RIPOR2: variants seen among roughly 807,000 people sequenced by gnomAD.
The protein encoded by RIPOR2 is RHO family interacting cell polarization regulator 2.
A neutral mutation model predicts 114.5 loss-of-function variants in RIPOR2; 39 were observed. The observed-to-expected ratio is 0.34, with a 90% CI of 0.26 to 0.44. RIPOR2 has a LOEUF of 0.44. Among genes scored for constraint, RIPOR2 ranks in the 20% least tolerant of loss-of-function variants. The probability of loss-of-function intolerance (pLI) is 1.00; values close to 1 mark genes in which losing one functional copy is unlikely to be tolerated. For synonymous variants in RIPOR2, 445 were observed against 484.4 expected, an observed-to-expected ratio of 0.92 and a Z score of 1.07; for missense variants, 1,007 against 1,255.1, an observed-to-expected ratio of 0.80 and a Z score of 2.99.
At position 24,925,998 on chromosome 6, in the gene RIPOR2, T is replaced by G. The variant is rs549072003; in HGVS notation, c.61+9840A>C. On this transcript the variant is annotated intron_variant, in intron 1 of 21. Transcript: ENST00000643898. Reference sequence around the variant, plus strand: ...TCTTTTTTTCAGGAAGTTTTACCACTGAAAATATTTTTAAAACAATGGAAT... The same window carrying G: ...TCTTTTTTTCAGGAAGTTTTACCACGGAAAATATTTTTAAAACAATGGAAT... Among the ~76,000 whole-genome samples the G allele has an allele frequency of 1.4e-3, 207 of 152,296 alleles. 2 individuals carry two copies. Among genetic ancestry groups the G allele is most frequent in the African/African-American group, 4.6e-3 (190 of 41,584 alleles).
At chr6:24,997,995 A>C (rs1416132556) in intron 1 of RIPOR2, among the ~76,000 whole-genome samples, 1 of 152,168 alleles carries the variant, frequency 6.6e-6, no homozygotes, top group African/African-American at 2.4e-5. Flanking sequence ...GATGCACTGG[A>C]GCAATCAAAA....
intron 1 of RIPOR2, chr6:25,024,562 C>G (rs1299757653): frequency 5.4e-6 from 3 of 554,374 alleles, no homozygotes; most frequent in Non-Finnish European, 9.9e-6. Flanking sequence ...CGGGCTCAGG[C>G]AGCAGTGGCA....
intron 1 of RIPOR2, among the ~76,000 whole-genome samples, chr6:24,931,091 T>A (rs1771356958): frequency 6.6e-6 from 1 of 152,232 alleles, no homozygotes; most frequent in Non-Finnish European, 1.5e-5. Flanking sequence ...ATAATATGAA[T>A]TTAATTGCTT....
At chr6:25,018,508 C>T (rs1431469652) in intron 1 of RIPOR2, among the ~76,000 whole-genome samples, 1 of 151,986 alleles carries the variant, frequency 6.6e-6, no homozygotes, top group Non-Finnish European at 1.5e-5. Context: ...GCTCCTTAAC[C>T]AATTGTTTGA....
intron 4 of RIPOR2, among the ~76,000 whole-genome samples, chr6:24,871,582 C>T (rs1445424677): frequency 1.3e-5 from 2 of 152,120 alleles, no homozygotes; most frequent in Non-Finnish European, 2.9e-5. Context: ...GAACTCCTGA[C>T]CTTGGGTGAT....
intron 1 of RIPOR2, among the ~76,000 whole-genome samples, chr6:25,014,776 G>A (rs750241962): frequency 1.3e-5 from 2 of 152,202 alleles, no homozygotes; most frequent in African/African-American, 4.8e-5. Context: ...AAAGTTGTGT[G>A]TAACATGGCA....
intron 1 of RIPOR2, among the ~76,000 whole-genome samples, chr6:24,894,611 A>G (rs550051183): frequency 2.0e-4 from 31 of 152,334 alleles, no homozygotes; most frequent in Non-Finnish European, 3.8e-4. Context: ...AATCCAATTC[A>G]GTGCTCACAT....
chr6:24,904,160 T>C (rs1768740308), intron 1 of RIPOR2, among the ~76,000 whole-genome samples: 1 of 152,206 alleles, frequency 6.6e-6, no homozygotes, highest in South Asian at 2.1e-4. Flanking sequence ...TTGCCACAAT[T>C]TTACTGGCTT....
At chr6:25,039,788 GAATTTA>G (rs1777390302) in intron 1 of RIPOR2, among the ~76,000 whole-genome samples, 2 of 152,148 alleles carry the variant, frequency 1.3e-5, no homozygotes, top group Non-Finnish European at 2.9e-5. Flanking sequence ...ATAAAAACTG[GAATTTA>G]AATTTAAGGT....
chr6:24,847,742 T>G, intron 12 of RIPOR2: 1 of 1,500,120 alleles, frequency 6.7e-7, no homozygotes, highest in Non-Finnish European at 9.0e-7. Context: ...ATCAGGTTAC[T>G]ACATTTTGTT....
intron 1 of RIPOR2, among the ~76,000 whole-genome samples, chr6:24,911,651 A>G (rs958623143): frequency 4.6e-5 from 7 of 152,144 alleles, no homozygotes; most frequent in African/African-American, 1.7e-4. Flanking sequence ...GTGGATTTGA[A>G]TGATAAAGGT....
At chr6:24,820,959 G>A (rs189350810) in intron 19 of RIPOR2, among the ~76,000 whole-genome samples, 2 of 132,684 alleles carry the variant, frequency 1.5e-5, no homozygotes, top group South Asian at 2.4e-4. Context: ...TGCAAACTCC[G>A]CCTCCTGGGT....
chr6:24,951,108 G>C (rs7764561), intron 1 of RIPOR2, among the ~76,000 whole-genome samples: 2,081 of 152,294 alleles, frequency 0.014, 39 homozygotes, highest in African/African-American at 0.046. Context: ...GACTTTAGAA[G>C]TTCATATCAA....
chr6:25,010,680 A>G (rs1482075080), intron 1 of RIPOR2, among the ~76,000 whole-genome samples: 8 of 152,220 alleles, frequency 5.3e-5, no homozygotes, highest in Admixed American at 5.2e-4. Context: ...AGCCTGTGCT[A>G]TAGATCCTAT....
chr6:24,862,747 G>A (rs1034397004), intron 7 of RIPOR2, among the ~76,000 whole-genome samples: 2 of 152,076 alleles, frequency 1.3e-5, no homozygotes, highest in African/African-American at 4.8e-5. Context: ...CGTGAGAGCA[G>A]CTAGGTTAAG....
At chr6:24,911,762 A>T (rs1180115150) in intron 1 of RIPOR2, among the ~76,000 whole-genome samples, 2 of 152,216 alleles carry the variant, frequency 1.3e-5, no homozygotes, top group Non-Finnish European at 2.9e-5. Context: ...ACAAGGACCC[A>T]GGGAAAAGGT....
chr6:24,926,116 C>T (rs2394322), intron 1 of RIPOR2, among the ~76,000 whole-genome samples: 91,504 of 152,078 alleles, frequency 0.6, 28,573 homozygotes, highest in Middle Eastern at 0.72. Flanking sequence ...ATATATACAA[C>T]ATTAAAGTTT....
At chr6:24,899,111 C>A (rs957698539) in intron 1 of RIPOR2, among the ~76,000 whole-genome samples, 3 of 152,058 alleles carry the variant, frequency 2.0e-5, no homozygotes, top group Non-Finnish European at 2.9e-5. Flanking sequence ...TTTGTTCCAG[C>A]TGTTTGTTTC....
intron 20 of RIPOR2, among the ~76,000 whole-genome samples, chr6:24,811,676 C>CTTTTTTTTTTTTTTTTTTT (rs1781183443): frequency 9.4e-5 from 1 of 10,606 alleles, no homozygotes; most frequent in African/African-American, 1.7e-4. Flanking sequence ...TTTTTTTTTT[C>CTTTTTTTTTTTTTTTTTTT]TTTTTTTTTT....
Sources: allele counts gnomAD v4.1 joint callset (sites outside exome capture counted in the v4.1 genomes callset), GRCh38; gene constraint gnomAD v4.1.1; transcripts MANE v1.5; gene names NCBI Gene and HGNC (gene_info 2026-07-23, HGNC 2026-07-21).